Variants in CHMP4C observed in about 807,000 individuals in gnomAD.
The protein encoded by CHMP4C is charged multivesicular body protein 4C, also known as SNF7 homolog associated with Alix 3.
CHMP4C carries 28 observed loss-of-function variants against 29.0 expected under a neutral mutation model. That is an observed-to-expected ratio of 0.97 (90% CI 0.72 to 1.32). CHMP4C has a LOEUF of 1.32. Among genes scored for constraint, CHMP4C ranks in the 40% most tolerant of loss-of-function variants. The pLI, the probability that CHMP4C is intolerant of heterozygous loss-of-function variation, is 0.00. For synonymous variants in CHMP4C, 106 were observed against 102.4 expected, an observed-to-expected ratio of 1.04 and a Z score of -0.21; for missense variants, 291 against 281.0, an observed-to-expected ratio of 1.04 and a Z score of -0.25.
In CHMP4C at chr8:81,753,209, A is replaced by T; in HGVS notation, c.336A>T (p.Ala112=). The change falls in exon 2 of 5, where the codon GCA becomes GCT. Residue 112 remains alanine, a synonymous_variant. Coordinates refer to ENST00000297265, the MANE Select transcript of CHMP4C (RefSeq NM_152284.4). ...AGGTGTTGAGGAACATGGGCTTTGC[A>T]GCAAAAGCGATGAAATCTGTTCATG... ...NTEVLRNMGF[A]AKAMKSVHEN... 6.2e-7 allele frequency: 1 copy of T among 1,606,496 alleles called. No individual in the cohort carries two copies. Among genetic ancestry groups the T allele is most frequent in the Non-Finnish European group, 8.5e-7 (1 of 1,176,834 alleles).
At chr8:81,755,955 A>ATCAG (rs1449147182) in intron 3 of CHMP4C, among the ~76,000 whole-genome samples, 1 of 152,206 alleles carries the variant, frequency 6.6e-6, no homozygotes, top group Non-Finnish European at 1.5e-5. Flanking sequence ...ATTTAGATTA[A>ATCAG]TCAGTCCAAT....
Position 81,736,108 on chromosome 8 carries a change from TAAATAAATAAATAAATAAATAAATAA to T in CHMP4C, c.190+3294_190+3319del, listed in dbSNP as rs1470691251. 3.5e-5 allele frequency among the ~76,000 whole-genome samples: 5 copies of T among 144,176 alleles called. No individual in the cohort carries two copies. The East Asian group carries it at 8.3e-4, about 24-fold the overall frequency. 94.6% of individuals were successfully genotyped at this position (144,176 alleles called of 152,430 possible). A position where few individuals can be genotyped will look rare whatever the true frequency, so the allele number is the denominator to read the frequency against. ...CTCAATAAATAAATAAATAAATAAATAAATAAATAAATAAATAAATAAATAAATAAATGTTAGAAACGGGATCTCAC... is the reference window on the plus strand; with the variant it reads ...CTCAATAAATAAATAAATAAATAAATATAAATGTTAGAAACGGGATCTCAC... On this transcript the variant is annotated intron_variant, in intron 1 of 4. Coordinates refer to ENST00000297265, the MANE Select transcript of CHMP4C (RefSeq NM_152284.4).
chr8:81,757,057 G>A (rs1808981865), intron 3 of CHMP4C, among the ~76,000 whole-genome samples: 1 of 152,062 alleles, frequency 6.6e-6, no homozygotes, highest in Non-Finnish European at 1.5e-5. Context: ...TTAATCAAAT[G>A]TTGTGGTTGG....
chr8:81,751,048 C>CT lies in CHMP4C; in HGVS notation c.191-2012dup, dbSNP rs1434121716. On this transcript the variant is annotated intron_variant, in intron 1 of 4. Coordinates refer to ENST00000297265, the MANE Select transcript of CHMP4C (RefSeq NM_152284.4). The stretch of plus-strand genomic sequence containing the variant: ...AAAAAGTTAGCTATTAAAAGATAAT[C>CT]TTTTGAAATATTTTGAACCTAGCAT... 4.6e-5 allele frequency among the ~76,000 whole-genome samples: 7 copies of CT among 152,054 alleles called. 1 individual carries two copies. The highest frequency in any genetic ancestry group is 4.6e-4 in the Admixed American group (7 of 15,256).
intron 1 of CHMP4C, among the ~76,000 whole-genome samples, chr8:81,741,210 T>C (rs1210927850): frequency 7.2e-5 from 11 of 152,172 alleles, no homozygotes; most frequent in Admixed American, 7.2e-4. Context: ...TATTTGAACA[T>C]TTATCATTAT....
intron 1 of CHMP4C, among the ~76,000 whole-genome samples, chr8:81,740,785 C>A (rs1808754319): frequency 1.3e-5 from 2 of 152,142 alleles, no homozygotes; most frequent in African/African-American, 4.8e-5. Flanking sequence ...TCATCAGATT[C>A]TCTGGAGAGC....
chr8:81,743,856 G>A (rs957714682), intron 1 of CHMP4C, among the ~76,000 whole-genome samples: 4 of 152,116 alleles, frequency 2.6e-5, no homozygotes, highest in African/African-American at 7.2e-5. Context: ...TTGCCCGTTT[G>A]CTGTCTCTCT....
chr8:81,732,864 T>C, intron 1 of CHMP4C, 48 bp downstream of exon 1: 3 of 1,554,522 alleles, frequency 1.9e-6, no homozygotes, highest in Non-Finnish European at 2.6e-6. Context: ...GCCTCTAGCC[T>C]TTCCCTTGGG....
chr8:81,732,943 G>T, intron 1 of CHMP4C, 127 bp downstream of exon 1: 4 of 831,110 alleles, frequency 4.8e-6, no homozygotes, highest in Non-Finnish European at 7.5e-6. Flanking sequence ...TCTAGGAACT[G>T]GTACTGACTC....
At chr8:81,741,504 ATTT>A (rs1341273638) in intron 1 of CHMP4C, among the ~76,000 whole-genome samples, 5 of 152,124 alleles carry the variant, frequency 3.3e-5, no homozygotes, top group Admixed American at 2.6e-4. Flanking sequence ...ATTTCAGGTG[ATTT>A]TTTAAGATAA....
At chr8:81,747,565 A>C (rs1215742115) in intron 1 of CHMP4C, among the ~76,000 whole-genome samples, 1 of 152,244 alleles carries the variant, frequency 6.6e-6, no homozygotes, top group East Asian at 1.9e-4. Context: ...AATGTTTTGT[A>C]ATATTATGTT....
chr8:81,751,345 A>G (rs1333744102), intron 1 of CHMP4C, among the ~76,000 whole-genome samples: 1 of 150,108 alleles, frequency 6.7e-6, no homozygotes, highest in South Asian at 2.1e-4. Flanking sequence ...GCAATTGTTA[A>G]GAAAGATTTC....
At chr8:81,741,925 T>G (rs774644557) in intron 1 of CHMP4C, among the ~76,000 whole-genome samples, 1 of 152,218 alleles carries the variant, frequency 6.6e-6, no homozygotes, top group African/African-American at 2.4e-5. Context: ...AACAAAAGTC[T>G]GAATTAAATA....
chr8:81,756,196 C>A (rs958785128), intron 3 of CHMP4C, among the ~76,000 whole-genome samples: 3 of 152,140 alleles, frequency 2.0e-5, no homozygotes, highest in Admixed American at 2.0e-4. Flanking sequence ...GTATCAATAC[C>A]TTTTAAAAAT....
intron 2 of CHMP4C, among the ~76,000 whole-genome samples, chr8:81,754,279 G>C (rs1808944469): frequency 6.6e-6 from 1 of 152,098 alleles, no homozygotes; most frequent in Non-Finnish European, 1.5e-5. Context: ...CCTCCAGGCA[G>C]CTTGGCAGCA....
chr8:81,739,420 G>GA (rs1554592453), intron 1 of CHMP4C, among the ~76,000 whole-genome samples: 1 of 135,052 alleles, frequency 7.4e-6, no homozygotes, highest in African/African-American at 3.2e-5. Flanking sequence ...GGGGATTGTG[G>GA]GGGGGGGTGG....
intron 1 of CHMP4C, among the ~76,000 whole-genome samples, chr8:81,743,912 T>C (rs1808793113): frequency 6.6e-6 from 1 of 152,224 alleles, no homozygotes; most frequent in Admixed American, 6.5e-5. Flanking sequence ...TCTCCTCTTT[T>C]ATACTTTATA....
intron 1 of CHMP4C, among the ~76,000 whole-genome samples, chr8:81,736,959 T>A (rs1808699809): frequency 6.6e-6 from 1 of 152,150 alleles, no homozygotes; most frequent in African/African-American, 2.4e-5. Context: ...CAAAAAGAAT[T>A]TGAGTAAACA....
chr8:81,733,851 G>A (rs1046504638), intron 1 of CHMP4C, among the ~76,000 whole-genome samples: 2 of 152,134 alleles, frequency 1.3e-5, no homozygotes, highest in African/African-American at 4.8e-5. Flanking sequence ...CCCTCAAGTT[G>A]GGCTTCTTTA....
Sources: gnomAD v4.1 joint callset for allele counts (sites outside exome capture counted in the v4.1 genomes callset) on GRCh38, gnomAD v4.1.1 for gene constraint, MANE v1.5 for transcripts, NCBI Gene and HGNC (gene_info 2026-07-23, HGNC 2026-07-21) for gene names.